The following CPED1 variants were observed in gnomAD, a reference collection of about 807,000 sequenced individuals.
CPED1 encodes cadherin-like and PC-esterase domain-containing protein 1.
In CPED1, 114 loss-of-function variants were observed where a neutral mutation model predicts 128.2. The observed-to-expected ratio is 0.89, with a 90% CI of 0.76 to 1.04. CPED1 has a LOEUF of 1.04. CPED1 is among the 50% of genes least tolerant of loss of function. The pLI is 0.00. For synonymous variants in CPED1, 462 were observed against 426.7 expected (o/e 1.08, Z -1.02); for missense variants, 1,211 against 1,207.1 (o/e 1.00, Z -0.05).
intron 5 of CPED1, among the ~76,000 whole-genome samples, chr7:121,088,533 C>T (rs895499040): frequency 6.6e-6 from 1 of 151,418 alleles, no homozygotes; most frequent in Non-Finnish European, 1.5e-5. Flanking sequence ...ATGGTGTGCG[C>T]CTGTAATTCC....
intron 16 of CPED1, among the ~76,000 whole-genome samples, chr7:121,163,671 C>A (rs941559287): frequency 1.3e-5 from 2 of 152,240 alleles, no homozygotes; most frequent in African/African-American, 4.8e-5. Flanking sequence ...AGCAGGATTA[C>A]TTGGCATTTA....
At chr7:121,271,200 A>G in intron 21 of CPED1, 84 bp from the exon 22 acceptor site, 1 of 1,108,874 alleles carries the variant, frequency 9.0e-7, no homozygotes, top group Non-Finnish European at 1.3e-6. Flanking sequence ...TAAAAAAGAC[A>G]TTTACATAAT....
chr7:121,159,412 AGTTTTT>A (rs1796362618), intron 16 of CPED1, among the ~76,000 whole-genome samples: 1 of 152,142 alleles, frequency 6.6e-6, no homozygotes. Flanking sequence ...CTTGATCAGA[AGTTTTT>A]GTTTTTGTTT....
intron 3 of CPED1, among the ~76,000 whole-genome samples, chr7:121,025,959 G>C (rs1792570231): frequency 6.6e-6 from 1 of 152,110 alleles, no homozygotes; most frequent in Admixed American, 6.6e-5. Context: ...TATCCCGGCA[G>C]TATCTATCAT....
At chr7:121,101,001 C>T (rs1794838478) in intron 7 of CPED1, among the ~76,000 whole-genome samples, 1 of 152,092 alleles carries the variant, frequency 6.6e-6, no homozygotes, top group African/African-American at 2.4e-5. Flanking sequence ...ACATATTCTT[C>T]TGTAAGTTTA....
intron 5 of CPED1, among the ~76,000 whole-genome samples, chr7:121,072,197 A>C (rs1794009026): frequency 1.3e-5 from 2 of 151,624 alleles, no homozygotes; most frequent in African/African-American, 4.8e-5. Context: ...AAAAAAAAAA[A>C]AAACATGGGA....
At chr7:121,285,040 G>A (rs1298870602) in intron 22 of CPED1, among the ~76,000 whole-genome samples, 11 of 152,208 alleles carry the variant, frequency 7.2e-5, no homozygotes, top group Admixed American at 1.3e-4. Flanking sequence ...ACATCCAGGC[G>A]TTTCCATACA....
At chr7:121,025,082 A>G (rs1162193412) in intron 3 of CPED1, among the ~76,000 whole-genome samples, 1 of 152,100 alleles carries the variant, frequency 6.6e-6, no homozygotes, top group Non-Finnish European at 1.5e-5. Context: ...AATATTGTTG[A>G]AACCTCCCAA....
chr7:120,997,672 G>A (rs138272570), intron 2 of CPED1, among the ~76,000 whole-genome samples: 3,021 of 152,268 alleles, frequency 0.02, 50 homozygotes, highest in Non-Finnish European at 0.032. Flanking sequence ...TGCAATCCCA[G>A]CACTTTGGAA....
chr7:121,033,113 C>T (rs1284452261), intron 3 of CPED1, among the ~76,000 whole-genome samples: 1 of 152,152 alleles, frequency 6.6e-6, no homozygotes, highest in African/African-American at 2.4e-5. Flanking sequence ...GAGCCTGGTT[C>T]TAGGTAATAT....
chr7:121,295,363 T>A (rs1223251314), intron 22 of CPED1, 77 bp from the exon 23 acceptor site: 9 of 1,499,904 alleles, frequency 6.0e-6, no homozygotes, highest in Non-Finnish European at 8.0e-6. Flanking sequence ...AGATGCATGT[T>A]CAAGTTTGAG....
chr7:121,000,571 C>G (rs1791822908), intron 2 of CPED1, among the ~76,000 whole-genome samples: 1 of 152,144 alleles, frequency 6.6e-6, no homozygotes, highest in Non-Finnish European at 1.5e-5. Context: ...TGACATATAA[C>G]TACCTTTGGT....
intron 7 of CPED1, among the ~76,000 whole-genome samples, chr7:121,106,163 T>C (rs2116246157): frequency 6.6e-6 from 1 of 152,184 alleles, no homozygotes; most frequent in East Asian, 1.9e-4. Flanking sequence ...AAAATATGAT[T>C]TAAGAGCAGG....
intron 3 of CPED1, among the ~76,000 whole-genome samples, chr7:121,033,706 A>G (rs1264002735): frequency 5.3e-5 from 8 of 152,226 alleles, no homozygotes; most frequent in Admixed American, 5.2e-4. Context: ...GGTTCAATAA[A>G]TCTCCAAAGA....
chr7:121,208,876 A>G (rs986921942), intron 16 of CPED1, among the ~76,000 whole-genome samples: 2 of 152,068 alleles, frequency 1.3e-5, no homozygotes, highest in Admixed American at 6.6e-5. Context: ...TGATCTACTA[A>G]CATAGTTCAC....
intron 16 of CPED1, among the ~76,000 whole-genome samples, chr7:121,228,075 C>G (rs1416790521): frequency 6.6e-6 from 1 of 152,014 alleles, no homozygotes; most frequent in Non-Finnish European, 1.5e-5. Context: ...GAAAGGTCTC[C>G]TGGACATTGG....
intron 16 of CPED1, among the ~76,000 whole-genome samples, chr7:121,203,263 C>T (rs1797441248): frequency 6.6e-6 from 1 of 152,096 alleles, no homozygotes; most frequent in African/African-American, 2.4e-5. Context: ...CTCTCAGAGG[C>T]TAATCCCTCC....
At chr7:121,220,518 A>G (rs1045143821) in intron 16 of CPED1, among the ~76,000 whole-genome samples, 7 of 152,050 alleles carry the variant, frequency 4.6e-5, no homozygotes, top group African/African-American at 1.7e-4. Context: ...TGGCCTCCAG[A>G]ACTGAAAGAC....
intron 22 of CPED1, among the ~76,000 whole-genome samples, chr7:121,272,348 C>T (rs755175351): frequency 2.0e-4 from 30 of 152,154 alleles, no homozygotes; most frequent in Middle Eastern, 3.4e-3. Flanking sequence ...ACAAGCATAA[C>T]CCAGTGATGT....
Sources: gnomAD v4.1 joint callset for allele counts (sites outside exome capture counted in the v4.1 genomes callset) on GRCh38, gnomAD v4.1.1 for gene constraint, MANE v1.5 for transcripts, NCBI Gene and HGNC (gene_info 2026-07-23, HGNC 2026-07-21) for gene names.